The following SRRM4 variants were observed in gnomAD, a reference collection of about 807,000 sequenced individuals.
SRRM4 encodes the protein serine/arginine repetitive matrix protein 4.
Under a neutral mutation model 68.9 loss-of-function variants are expected in SRRM4, and 33 were observed. The observed-to-expected ratio is 0.48, with a 90% CI of 0.36 to 0.64. SRRM4 has a LOEUF of 0.64. Ranked by LOEUF, SRRM4 falls within the 30% of genes least tolerant of loss-of-function variation. The probability of loss-of-function intolerance (pLI) is 0.00; values close to 1 mark genes in which losing one functional copy is unlikely to be tolerated. For synonymous variants in SRRM4, 318 were observed against 318.8 expected, an observed-to-expected ratio of 1.00 and a Z score of 0.03; for missense variants, 817 against 827.1, an observed-to-expected ratio of 0.99 and a Z score of 0.15.
chr12:119,160,289 G>GTCTCTCTCTCTCTCTCTCTCTGTCTCTC lies in SRRM4; in HGVS notation c.*3512_*3513insGTCTCTCTCTCTCTCTCTCTCTCTCTCT, dbSNP rs1954503927. 4 of 143,154 alleles carry GTCTCTCTCTCTCTCTCTCTCTGTCTCTC rather than the reference G, an allele frequency of 2.8e-5. No homozygotes were observed. The highest frequency in any genetic ancestry group is 1.0e-4 in the African/African-American group (4 of 38,198). 8.9% of individuals were successfully genotyped at this position (143,154 alleles called of 1,614,324 possible). A position where few individuals can be genotyped will look rare whatever the true frequency, so the allele number is the denominator to read the frequency against. ...TGTCTCTCTCTCTGTCTCTCTCTCT[G>GTCTCTCTCTCTCTCTCTCTCTGTCTCTC]TCTCTCTCTCTCTCTCTCTCTCTCT... On this transcript the variant is annotated 3_prime_UTR_variant, in exon 13 of 13. Transcript: ENST00000267260.
intron 1 of SRRM4, among the ~76,000 whole-genome samples, chr12:119,012,514 A>T (rs1953456610): frequency 6.6e-6 from 1 of 152,180 alleles, no homozygotes; most frequent in Admixed American, 6.5e-5. Context: ...CAAATTTATA[A>T]CAATTATAAG....
chr12:119,082,451 G>A (rs1326010839), intron 1 of SRRM4, among the ~76,000 whole-genome samples: 3 of 152,218 alleles, frequency 2.0e-5, no homozygotes, highest in African/African-American at 7.2e-5. Flanking sequence ...GCTCTCTAGC[G>A]AGAAGGAGAA....
chr12:119,051,764 C>T (rs1341256661), intron 1 of SRRM4, among the ~76,000 whole-genome samples: 4 of 152,126 alleles, frequency 2.6e-5, no homozygotes, highest in African/African-American at 9.7e-5. Context: ...CAATCCCATC[C>T]CCACTCCATC....
chr12:119,057,441 C>T (rs1469760627), intron 1 of SRRM4, among the ~76,000 whole-genome samples: 1 of 152,150 alleles, frequency 6.6e-6, no homozygotes, highest in African/African-American at 2.4e-5. Flanking sequence ...TGAGAACATG[C>T]GGTGTTTGGT....
intron 3 of SRRM4, among the ~76,000 whole-genome samples, chr12:119,114,814 G>A (rs944536220): frequency 1.3e-5 from 2 of 151,532 alleles, no homozygotes; most frequent in African/African-American, 2.4e-5. Flanking sequence ...ACAGGCGCCC[G>A]CCACCACGCC....
intron 4 of SRRM4, 60 bp downstream of exon 4, chr12:119,117,068 T>C (rs999407086): frequency 5.6e-6 from 8 of 1,432,054 alleles, no homozygotes; most frequent in Non-Finnish European, 5.9e-6. Context: ...GGACAGTTGA[T>C]GGCACTAAAA....
At chr12:119,035,386 C>T (rs1430703435) in intron 1 of SRRM4, among the ~76,000 whole-genome samples, 1 of 152,098 alleles carries the variant, frequency 6.6e-6, no homozygotes, top group Non-Finnish European at 1.5e-5. Context: ...TGCTTCTCAC[C>T]ACTTTTTCCT....
At chr12:119,069,503 G>C (rs1274698575) in intron 1 of SRRM4, 1 of 152,116 alleles carries the variant, frequency 6.6e-6, no homozygotes, top group Non-Finnish European at 1.5e-5. Context: ...AATCTGACTG[G>C]AGCTGAGCCA....
intron 8 of SRRM4, among the ~76,000 whole-genome samples, chr12:119,138,586 T>C (rs1302725894): frequency 6.6e-6 from 1 of 152,206 alleles, no homozygotes; most frequent in African/African-American, 2.4e-5. Flanking sequence ...GTGCATGTTC[T>C]ACACTGGTTC....
intron 1 of SRRM4, among the ~76,000 whole-genome samples, chr12:119,016,839 G>A (rs1156583561): frequency 6.6e-6 from 1 of 152,194 alleles, no homozygotes; most frequent in East Asian, 1.9e-4. Flanking sequence ...TGCAGACAAG[G>A]CACGCTGACT....
At chr12:119,116,646 G>A (rs770154271) in intron 3 of SRRM4, among the ~76,000 whole-genome samples, 2 of 152,102 alleles carry the variant, frequency 1.3e-5, no homozygotes, top group Non-Finnish European at 2.9e-5. Context: ...GGTAGCAATT[G>A]TACCTACCTA....
At position 119,114,340 on chromosome 12, in the gene SRRM4, A is replaced by C; in HGVS notation, c.341A>C (p.Lys114Thr). 3 of 1,610,086 alleles carry C rather than the reference A, an allele frequency of 1.9e-6. No homozygotes were observed. The highest frequency in any genetic ancestry group is 2.5e-6 in the Non-Finnish European group (3 of 1,178,232). The change falls in exon 3 of 13, where the codon AAA becomes ACA. Residue 114 changes from lysine (K) to threonine (T), a missense_variant. Lys to Thr is a moderately conservative substitution (Grantham distance 78). Coordinates refer to ENST00000267260, the MANE Select transcript of SRRM4 (RefSeq NM_194286.4). ...TCCAGGGGAAAGAAGAAAAAGAAGAAATCCACTCGGAAGAAGAGAAGGAGG... is the reference window on the plus strand; with the variant it reads ...TCCAGGGGAAAGAAGAAAAAGAAGACATCCACTCGGAAGAAGAGAAGGAGG... Reference protein sequence around the residue: ...PSSRGKKKKKKSTRKKRRRSS... With the variant: ...PSSRGKKKKKTSTRKKRRRSS...
chr12:119,140,377 C>CAA (rs368797079), intron 8 of SRRM4, among the ~76,000 whole-genome samples: 3,490 of 141,148 alleles, frequency 0.025, 119 homozygotes, highest in African/African-American at 0.07. Context: ...GACTCTGTCT[C>CAA]AAAAAAAAAA....
chr12:119,094,720 G>T (rs1412185900), intron 1 of SRRM4, among the ~76,000 whole-genome samples: 2 of 152,190 alleles, frequency 1.3e-5, no homozygotes, highest in African/African-American at 4.8e-5. Flanking sequence ...CCCTCTCTGT[G>T]GGTCCACTGC....
At chr12:119,141,487 G>GGTCTC (rs1016826096) in intron 8 of SRRM4, among the ~76,000 whole-genome samples, 1 of 152,054 alleles carries the variant, frequency 6.6e-6, no homozygotes, top group African/African-American at 2.4e-5. Context: ...TTCAGCCAGG[G>GGTCTC]GTCTCCAAGT....
intron 9 of SRRM4, among the ~76,000 whole-genome samples, chr12:119,149,279 C>T (rs911512324): frequency 3.3e-5 from 5 of 152,108 alleles, no homozygotes; most frequent in Non-Finnish European, 5.9e-5. Context: ...ACCTGGGAGG[C>T]GGAGGTTGCA....
intron 8 of SRRM4, among the ~76,000 whole-genome samples, chr12:119,137,485 G>A (rs966520947): frequency 1.3e-5 from 2 of 152,050 alleles, no homozygotes; most frequent in African/African-American, 2.4e-5. Context: ...AAACGCCAGG[G>A]AGCTGGAGTT....
chr12:119,121,357 C>T (rs1390007707), intron 5 of SRRM4, among the ~76,000 whole-genome samples: 2 of 152,188 alleles, frequency 1.3e-5, no homozygotes, highest in Non-Finnish European at 2.9e-5. Context: ...TGTTCATCCT[C>T]CCTGATCTCT....
intron 1 of SRRM4, among the ~76,000 whole-genome samples, chr12:119,055,115 G>A (rs1953768352): frequency 1.3e-5 from 2 of 152,170 alleles, no homozygotes; most frequent in South Asian, 2.1e-4. Context: ...ATCATAACAA[G>A]AGAGAACGGA....
Sources: gnomAD v4.1 joint callset for allele counts (sites outside exome capture counted in the v4.1 genomes callset) on GRCh38, gnomAD v4.1.1 for gene constraint, MANE v1.5 for transcripts, NCBI Gene and HGNC (gene_info 2026-07-23, HGNC 2026-07-21) for gene names.